POP1: variants seen among roughly 807,000 people sequenced by gnomAD.
The protein encoded by POP1 is POP1 ribonuclease P/MRP subunit.
POP1 carries 75 observed loss-of-function variants against 102.2 expected under a neutral mutation model. The observed-to-expected ratio is 0.73, with a 90% CI of 0.61 to 0.89. The LOEUF is 0.89. POP1 is among the 40% of genes least tolerant of loss of function. POP1 has a pLI of 0.00. For missense variants in POP1, 1,116 were observed against 1,267.4 expected, an observed-to-expected ratio of 0.88 and a Z score of 1.81; for synonymous variants, 436 against 464.1, an observed-to-expected ratio of 0.94 and a Z score of 0.78.
At position 98,157,731 on chromosome 8, in the gene POP1, C is replaced by T; in HGVS notation, c.2535C>T (p.Cys845=). 1.2e-6 allele frequency: 2 copies of T among 1,614,204 alleles called. No individual in the cohort carries two copies. The highest frequency in any genetic ancestry group is 1.7e-6 in the Non-Finnish European group (2 of 1,180,050). ...AGCAAGGATTGACCAGAGAGGCTTG[C>T]CTGTCCATCTTGGGCCACTTCCCCA... ...RGQQGLTREA[C]LSILGHFPRA... The change falls in exon 16 of 16, where the codon TGC becomes TGT. Residue 845 remains cysteine (C), a synonymous_variant. Transcript: ENST00000401707.
At chr8:98,130,372 G>C in intron 5 of POP1, 146 bp downstream of exon 5, 1 of 1,200,776 alleles carries the variant, frequency 8.3e-7, no homozygotes, top group Non-Finnish European at 1.2e-6. Flanking sequence ...CGGGTCCTTT[G>C]CCAGATGCTG....
chr8:98,150,676 A>G (rs975849680), intron 14 of POP1, 37 bp downstream of exon 14: 1 of 1,602,494 alleles, frequency 6.2e-7, no homozygotes, highest in Non-Finnish European at 8.5e-7. Flanking sequence ...TAATGTATTA[A>G]GGAAAAGAGA....
At chr8:98,127,536 C>T (rs1586229706) in intron 2 of POP1, 59 bp from the exon 3 acceptor site, 2 of 1,593,836 alleles carry the variant, frequency 1.3e-6, no homozygotes, top group Non-Finnish European at 1.7e-6. Context: ...AATATTAGTT[C>T]TCCACTATAA....
rs201963320 is a variant in POP1 at position 98,136,579 on chromosome 8, A to C, written c.1109A>C (p.Lys370Thr). Residue 370 changes from lysine (K) to threonine (T), a missense_variant, in exon 8 of 16, where the codon AAA becomes ACA. By Grantham distance (78) the Lys-to-Thr change is moderately conservative. Transcript: ENST00000401707. ...ADPLPTPSQE[K>T]SQTELPDEKI... ...CCACTTCCAACACCATCCCAAGAAA[A>C]AAGCCAAACTGAATTGCCTGACGAG... 1 of 1,614,182 alleles carries C rather than the reference A, an allele frequency of 6.2e-7. No homozygotes were observed. The highest frequency in any genetic ancestry group is 2.2e-5 in the East Asian group (1 of 44,884).
intron 14 of POP1, 42 bp from the exon 15 acceptor site, chr8:98,156,008 C>A: frequency 6.7e-7 from 1 of 1,495,232 alleles, no homozygotes; most frequent in Non-Finnish European, 9.0e-7. Context: ...TTTTCCAATC[C>A]TAAATTGTTC....
intron 13 of POP1, among the ~76,000 whole-genome samples, 160 bp downstream of exon 13, chr8:98,149,166 C>T (rs1423600865): frequency 6.6e-6 from 1 of 152,172 alleles, no homozygotes; most frequent in Non-Finnish European, 1.5e-5. Flanking sequence ...ATACTTCATA[C>T]ATATAGTCCC....
At chr8:98,156,899 ATTTTTTTTT>A (rs35066160) in intron 15 of POP1, among the ~76,000 whole-genome samples, 8 of 128,268 alleles carry the variant, frequency 6.2e-5, no homozygotes, top group Admixed American at 4.0e-4. Flanking sequence ...CTTTGCTCTG[ATTTTTTTTT>A]TTTTTTTTTT....
chr8:98,151,655 A>G (rs1054338401), intron 14 of POP1, among the ~76,000 whole-genome samples: 3 of 149,472 alleles, frequency 2.0e-5, no homozygotes, highest in East Asian at 2.0e-4. Flanking sequence ...TAGTTCCTTG[A>G]TGGTGAGCTT....
intron 5 of POP1, 103 bp downstream of exon 5, chr8:98,130,329 T>C: frequency 1.3e-6 from 2 of 1,515,164 alleles, no homozygotes; most frequent in Middle Eastern, 1.7e-4. Flanking sequence ...TATGTGATTA[T>C]TCATTTTAAA....
intron 7 of POP1, 67 bp from the exon 8 acceptor site, chr8:98,136,415 C>A: frequency 4.7e-6 from 7 of 1,490,956 alleles, no homozygotes; most frequent in Admixed American, 4.3e-5. Flanking sequence ...AAAAAAAACC[C>A]AACTAAATTT....
At chr8:98,127,826 A>G in intron 3 of POP1, 64 bp downstream of exon 3, 2 of 1,543,752 alleles carry the variant, frequency 1.3e-6, no homozygotes, top group Non-Finnish European at 1.8e-6. Flanking sequence ...GTGCAGCAAC[A>G]AACTGCCCTC....
Position 98,158,257 on chromosome 8 carries a change from G to C in POP1, c.3061G>C (p.Ala1021Pro). The change falls in exon 16 of 16, where the codon GCT (alanine) becomes CCT (proline). Residue 1021 changes from alanine (A) to proline (P), a missense_variant. Transcript: ENST00000401707. ...ASLQYRFARI[A>P]IEV ...TCTGCAGTATCGATTTGCGAGGATT[G>C]CTATTGAGGTGTGAATGCGTGCTTG... 2 of 1,609,906 alleles carry C rather than the reference G, an allele frequency of 1.2e-6. No individual in the cohort carries two copies. The highest frequency in any genetic ancestry group is 1.7e-6 in the Non-Finnish European group (2 of 1,180,020).
intron 14 of POP1, among the ~76,000 whole-genome samples, chr8:98,151,094 T>C (rs1809501995): frequency 6.6e-6 from 1 of 152,236 alleles, no homozygotes; most frequent in Non-Finnish European, 1.5e-5. Context: ...GTTTGTTTGT[T>C]TGTTTTTTGA....
In POP1 at chr8:98,146,487, A is replaced by C. The variant is rs750977104; in HGVS notation, c.1595-81A>C. The stretch of plus-strand genomic sequence containing the variant: ...GCCTATGAAATATTGTTTTGTAACA[A>C]AAGGCCTATTGCCAATGTTTGGAGT... On this transcript the variant is annotated intron_variant, in intron 11 of 15. Coordinates refer to ENST00000401707, the MANE Select transcript of POP1 (RefSeq NM_001145860.2). The C allele has an allele frequency of 9.5e-6, 9 of 950,734 alleles. No homozygotes were observed. The East Asian group carries it at 2.2e-4, about 23-fold the overall frequency. The allele number at this position is 950,734 out of a possible 1,614,324, so 58.9% of individuals were successfully genotyped here.
Position 98,153,531 on chromosome 8 carries a change from C to CCCTTTTTTT in POP1, c.2058-2519_2058-2518insCCTTTTTTT, listed in dbSNP as rs1430760385. 6.9e-4 allele frequency among the ~76,000 whole-genome samples: 56 copies of CCCTTTTTTT among 81,202 alleles called. 1 individual carries two copies. The highest frequency in any genetic ancestry group is 2.1e-3 in the African/African-American group (34 of 16,206). The allele number at this position is 81,202 out of a possible 152,430, so 53.3% of individuals were successfully genotyped here. ...CAACTAGATTTACAAACAGTTCTGA[C>CCCTTTTTTT]TCTTTTTTTTTTTTTTTTTTTTTTT... is the stretch of plus-strand genomic sequence containing the variant. On this transcript the variant is annotated intron_variant, in intron 14 of 15. Transcript: ENST00000401707.
chr8:98,153,198 G>A (rs1166038711), intron 14 of POP1, among the ~76,000 whole-genome samples: 1 of 152,126 alleles, frequency 6.6e-6, no homozygotes, highest in Non-Finnish European at 1.5e-5. Flanking sequence ...TTGAACTCCT[G>A]GCCTCAAGCA....
intron 14 of POP1, among the ~76,000 whole-genome samples, chr8:98,155,044 T>A (rs943712967): frequency 5.3e-5 from 8 of 152,132 alleles, no homozygotes; most frequent in Admixed American, 1.3e-4. Context: ...TTTATTACCT[T>A]TGTGGAGGAT....
chr8:98,139,393 T>A (rs1395742464), intron 9 of POP1, among the ~76,000 whole-genome samples: 2 of 152,222 alleles, frequency 1.3e-5, no homozygotes, highest in Non-Finnish European at 2.9e-5. Flanking sequence ...GTGAGGAACA[T>A]TTTATTGCTT....
At position 98,145,263 on chromosome 8, in the gene POP1, A is replaced by C. The variant is rs78078906; in HGVS notation, c.1595-1305A>C. ...TTTTTTCTAACTTCGTTCTGCCCTA[A>C]AATCTGTCACACTATGGCCCAGTTG... On this transcript the variant is annotated intron_variant, in intron 11 of 15. Coordinates refer to ENST00000401707, the MANE Select transcript of POP1 (RefSeq NM_001145860.2). Among the ~76,000 whole-genome samples, 33 of 152,252 alleles carry C rather than the reference A, an allele frequency of 2.2e-4. 2 individuals are homozygous for C. In the East Asian group the frequency reaches 6.4e-3, roughly 29 times the overall value.
Sources: gnomAD v4.1 joint callset for allele counts (sites outside exome capture counted in the v4.1 genomes callset) on GRCh38, gnomAD v4.1.1 for gene constraint, MANE v1.5 for transcripts, NCBI Gene and HGNC (gene_info 2026-07-23, HGNC 2026-07-21) for gene names.